Variants in LMNA observed in about 807,000 individuals in gnomAD.
The protein encoded by LMNA is lamin A/C.
A neutral mutation model predicts 70.4 loss-of-function variants in LMNA; 20 were observed. That is an observed-to-expected ratio of 0.28 (90% CI 0.20 to 0.41). The LOEUF is 0.41. Ranked by LOEUF, LMNA falls within the 10% of genes least tolerant of loss-of-function variation. The pLI is 1.00. For missense variants in LMNA, 652 were observed against 917.2 expected (o/e 0.71, Z 3.73); for synonymous variants, 339 against 372.8 (o/e 0.91, Z 1.04).
At chr1:156,111,261 C>T (rs998301771), upstream of LMNA, among the ~76,000 whole-genome samples, 2 of 151,904 alleles carry the variant, frequency 1.3e-5, no homozygotes, top group African/African-American at 4.8e-5. Flanking sequence ...CCAGCCTGGC[C>T]AACATGGTGA....
Position 156,135,800 on chromosome 1 carries a change from C to A in LMNA, c.937-101C>A. ...CTCTGGGGAAGCTCTGATTGCAGAT[C>A]CTGGAGAGAGTAGCCAGGTGTCTCC... On this transcript the variant is annotated intron_variant, in intron 5 of 11. Transcript: ENST00000368300. The surrounding 1 kb of genome is among the most constrained non-coding windows in gnomAD (Gnocchi z 4.8). 3.2e-6 allele frequency: 3 copies of A among 944,296 alleles called. No individual in the cohort carries two copies. The highest frequency in any genetic ancestry group is 1.4e-5 in the South Asian group (1 of 71,504). 58.5% of individuals were successfully genotyped at this position (944,296 alleles called of 1,614,324 possible). A position where few individuals can be genotyped will look rare whatever the true frequency, so the allele number is the denominator to read the frequency against.
At position 156,139,189 on chromosome 1, in the gene LMNA, T is replaced by C. The variant is rs1017335157; in HGVS notation, c.*83T>C. ...TGCCCACCCCCTGCCCTGCACGTCA[T>C]GGGAGGGGGCTTGAAGCCAAAGAAA... On this transcript the variant is annotated 3_prime_UTR_variant, in exon 12 of 12. Transcript: ENST00000368300. The C allele has an allele frequency of 1.2e-6, 2 of 1,606,760 alleles. No individual in the cohort carries two copies. Among genetic ancestry groups the C allele is most frequent in the African/African-American group, 2.7e-5 (2 of 74,522 alleles).
rs1396003520 is a variant in LMNA at position 156,136,195 on chromosome 1, T to G, written c.1158-19T>G. On this transcript the variant is annotated intron_variant, in intron 6 of 11. Transcript: ENST00000368300. This position sits in a 1 kb window ranked among gnomAD's most constrained non-coding sequence, Gnocchi z 6.1. ...CAACTGGCCTTGACTAGACCCCCACTTGGTCTCCCTCTCCCCAGGCTACGC... is the reference window on the plus strand; with the variant it reads ...CAACTGGCCTTGACTAGACCCCCACGTGGTCTCCCTCTCCCCAGGCTACGC... 3 of 1,612,638 alleles carry G rather than the reference T, an allele frequency of 1.9e-6. No individual in the cohort carries two copies. The Admixed American group carries it at 5.0e-5, about 27-fold the overall frequency.
At chr1:156,110,571 A>G (rs1032921441), upstream of LMNA, among the ~76,000 whole-genome samples, 3 of 152,212 alleles carry the variant, frequency 2.0e-5, no homozygotes, top group South Asian at 6.2e-4. Flanking sequence ...AGGGCTGGGC[A>G]TGGTGGCTGG....
rs7339 is a variant in LMNA, at chr1:156,139,185, G to A, written c.*79G>A. The A allele has an allele frequency of 1.9e-5, 31 of 1,608,152 alleles. No homozygotes were observed. Among genetic ancestry groups the A allele is most frequent in the East Asian group, 8.9e-5 (4 of 44,818 alleles). ...CTCATGCCCACCCCCTGCCCTGCAC[G>A]TCATGGGAGGGGGCTTGAAGCCAAA... On this transcript the variant is annotated 3_prime_UTR_variant, in exon 12 of 12. Coordinates refer to ENST00000368300, the MANE Select transcript of LMNA (RefSeq NM_170707.4).
rs1259103066 is a variant in LMNA, at chr1:156,139,498, C to T, written c.*392C>T. ...GGCTGCTGCCCCCACCCCGGGGACC[C>T]TGTGACATGGTGCCTGAGAGGCAGG... On this transcript the variant is annotated 3_prime_UTR_variant, in exon 12 of 12. Transcript: ENST00000368300. 1.5e-5 allele frequency: 20 copies of T among 1,333,830 alleles called. No individual in the cohort carries two copies. Among genetic ancestry groups the T allele is most frequent in the Non-Finnish European group, 1.7e-5 (18 of 1,044,268 alleles). The allele number at this position is 1,333,830 out of a possible 1,614,324, so 82.6% of individuals were successfully genotyped here.
chr1:156,102,687 A>T (rs557709936), intron 3 of LMNA, among the ~76,000 whole-genome samples: 1 of 152,098 alleles, frequency 6.6e-6, no homozygotes, highest in African/African-American at 2.4e-5. Flanking sequence ...CTCCTTCATT[A>T]AGCTTTGGTT....
rs61064130 is a variant in LMNA, at chr1:156,138,611, G to T, written c.1822G>T (p.Gly608Cys). The stretch of plus-strand genomic sequence containing the variant: ...TGCCAGCGGCTCAGGAGCCCAGGTG[G>T]GCGGACCCATCTCCTCTGGCTCTTC... ...ASASGSGAQV[G>C]GPISSGSSAS... The change falls in exon 11 of 12, where the codon GGC becomes TGC. Residue 608 changes from glycine to cysteine, a missense_variant. By Grantham distance (159) the Gly-to-Cys change is radical. This residue lies in a region of LMNA where 327 missense variants were observed against 387.6 expected (regional missense o/e 0.84). Coordinates refer to ENST00000368300, the MANE Select transcript of LMNA (RefSeq NM_170707.4). The surrounding 1 kb of genome is among the most constrained non-coding windows in gnomAD (Gnocchi z 5.5). 9 of 1,612,898 alleles carry T rather than the reference G, an allele frequency of 5.6e-6. No individual in the cohort carries two copies. Among genetic ancestry groups the T allele is most frequent in the Non-Finnish European group, 7.6e-6 (9 of 1,179,840 alleles).
chr1:156,091,913 C>A (rs1302122136), intron 3 of LMNA, among the ~76,000 whole-genome samples: 2 of 150,922 alleles, frequency 1.3e-5, no homozygotes, highest in Non-Finnish European at 3.0e-5. Context: ...CCCATCTCTA[C>A]AAAAAAAAAT....
Position 156,136,342 on chromosome 1 carries a change from G to A in LMNA, c.1286G>A (p.Ser429Asn), listed in dbSNP as rs1385994420. The part of the protein sequence containing the change: ...RKLESTESRS[S>N]FSQHARTSGR... ...CTGGAGTCCACTGAGAGCCGCAGCA[G>A]CTTCTCACAGCACGCACGCACTAGC... Residue 429 changes from serine (S) to asparagine (N), a missense_variant, in exon 7 of 12, where the codon AGC becomes AAC. Physicochemically the swap from Ser to Asn is conservative, Grantham distance 46 (BLOSUM62 1). Coordinates refer to ENST00000368300, the MANE Select transcript of LMNA (RefSeq NM_170707.4). This position sits in a 1 kb window ranked among gnomAD's most constrained non-coding sequence, Gnocchi z 6.1. 1 of 1,612,284 alleles carries A rather than the reference G, an allele frequency of 6.2e-7. No individual in the cohort carries two copies. Among genetic ancestry groups the A allele is most frequent in the Non-Finnish European group, 8.5e-7 (1 of 1,180,032 alleles).
intron 1 of LMNA, among the ~76,000 whole-genome samples, chr1:156,123,934 C>G (rs1183171527): frequency 6.6e-6 from 1 of 152,236 alleles, no homozygotes; most frequent in African/African-American, 2.4e-5. Flanking sequence ...TCCTATCCCT[C>G]TCTCAGCACC....
At chr1:156,111,947 C>T (rs1466333587), upstream of LMNA, among the ~76,000 whole-genome samples, 2 of 152,234 alleles carry the variant, frequency 1.3e-5, no homozygotes, top group African/African-American at 4.8e-5. Context: ...GGAGAGCAGA[C>T]TTATGACATC....
chr1:156,090,847 G>C (rs1648670754), intron 3 of LMNA, among the ~76,000 whole-genome samples: 1 of 152,168 alleles, frequency 6.6e-6, no homozygotes, highest in African/African-American at 2.4e-5. Flanking sequence ...GGGAGCAGGG[G>C]ACAGGTTCAA....
At chr1:156,102,547 T>C (rs530444051) in intron 3 of LMNA, among the ~76,000 whole-genome samples, 25 of 152,222 alleles carry the variant, frequency 1.6e-4, no homozygotes, top group African/African-American at 6.0e-4. Flanking sequence ...GAGAGCTGAA[T>C]TTTCCCCCAC....
At chr1:156,106,942 G>A (rs887021476) in intron 3 of LMNA, 1 of 152,276 alleles carries the variant, frequency 6.6e-6, no homozygotes, top group African/African-American at 2.4e-5. Flanking sequence ...GAGACTGTAG[G>A]ATTTTGCTGT....
rs917431069 is a variant in LMNA at position 156,115,623 on chromosome 1, C to T, written c.356+349C>T. Among the ~76,000 whole-genome samples the T allele has an allele frequency of 6.6e-6, 1 of 152,216 alleles. No homozygotes were observed. Among genetic ancestry groups the T allele is most frequent in the African/African-American group, 2.4e-5 (1 of 41,442 alleles). On this transcript the variant is annotated intron_variant, in intron 1 of 11. Transcript: ENST00000368300. This position sits in a 1 kb window ranked among gnomAD's most constrained non-coding sequence, Gnocchi z 5.8. The stretch of plus-strand genomic sequence containing the variant: ...AGGGGCTTGAGCAAAACAGAACTAG[C>T]CCTGCCAGCTCGAAGAACTCTGGGC...
At position 156,115,525 on chromosome 1, in the gene LMNA, A is replaced by C. The variant is rs1362384769; in HGVS notation, c.356+251A>C. ...GGATATAAGGAATGGTGGGGGTATC[A>C]GGGACAAGTTGGGGCTGGGGCCGGC... On this transcript the variant is annotated intron_variant, in intron 1 of 11. Transcript: ENST00000368300. This position sits in a 1 kb window ranked among gnomAD's most constrained non-coding sequence, Gnocchi z 5.8. 6.6e-6 allele frequency among the ~76,000 whole-genome samples: 1 copy of C among 152,076 alleles called. No homozygotes were observed. The highest frequency in any genetic ancestry group is 6.5e-5 in the Admixed American group (1 of 15,272).
rs778798942 is a variant in LMNA, at chr1:156,134,820, A to C, written c.655A>C (p.Lys219Gln). The C allele has an allele frequency of 6.2e-7, 1 of 1,614,160 alleles. No individual in the cohort carries two copies. Among genetic ancestry groups the C allele is most frequent in the Non-Finnish European group, 8.5e-7 (1 of 1,180,022 alleles). The part of the protein sequence containing the change: ...NIYSEELRET[K>Q]RRHETRLVEI... The stretch of plus-strand genomic sequence containing the variant: ...ACCCTTCCAGGAGCTGCGTGAGACC[A>C]AGCGCCGTCATGAGACCCGACTGGT... The change falls in exon 4 of 12, where the codon AAG (lysine) becomes CAG (glutamine). Residue 219 changes from lysine to glutamine, a missense_variant. Transcript: ENST00000368300. The surrounding 1 kb of genome is among the most constrained non-coding windows in gnomAD (Gnocchi z 5.3).
chr1:156,102,676 G>A (rs760744054), intron 3 of LMNA, among the ~76,000 whole-genome samples: 6 of 152,012 alleles, frequency 3.9e-5, no homozygotes, highest in Admixed American at 6.6e-5. Flanking sequence ...GGCTCTTTGC[G>A]CTCCTTCATT....
Sources: gnomAD v4.1 joint callset for allele counts (sites outside exome capture counted in the v4.1 genomes callset) on GRCh38, gnomAD v4.1.1 for gene constraint, gnomAD v4.1.1 regional missense constraint, Gnocchi (gnomAD v3.1) non-coding constraint, MANE v1.5 for transcripts, NCBI Gene and HGNC (gene_info 2026-07-23, HGNC 2026-07-21) for gene names.